Variants in LRRC9 observed in about 807,000 individuals in gnomAD.
LRRC9 encodes leucine-rich repeat-containing protein 9.
In LRRC9, 122 loss-of-function variants were observed where a neutral mutation model predicts 63.2. That is an observed-to-expected ratio of 1.93 (90% CI 1.67 to 2.24). The LOEUF (loss-of-function observed/expected upper bound fraction) is 2.24, where lower values mean the gene tolerates loss of function less well. Among genes scored for constraint, LRRC9 ranks in the 30% most tolerant of loss-of-function variants. The pLI, the probability that LRRC9 is intolerant of heterozygous loss-of-function variation, is 0.00. For missense variants in LRRC9, 1,071 were observed against 627.7 expected, an observed-to-expected ratio of 1.71 and a Z score of -7.55; for synonymous variants, 366 against 213.1, an observed-to-expected ratio of 1.72 and a Z score of -6.25.
chr14:59,991,704 G>T (rs1888126257), intron 17 of LRRC9, among the ~76,000 whole-genome samples: 1 of 152,188 alleles, frequency 6.6e-6, no homozygotes, highest in Non-Finnish European at 1.5e-5. Flanking sequence ...TACGCCCATG[G>T]AGCCTCACTC....
intron 23 of LRRC9, among the ~76,000 whole-genome samples, chr14:60,015,902 A>T (rs1326117033): frequency 6.6e-6 from 1 of 152,132 alleles, no homozygotes; most frequent in Non-Finnish European, 1.5e-5. Flanking sequence ...TGTGGGCATG[A>T]AGTTGGGGGC....
rs1171374775 is a variant in LRRC9 at position 59,922,800 on chromosome 14, T to C, written c.-34+2917T>C. Among the ~76,000 whole-genome samples, 1 of 152,186 alleles carries C rather than the reference T, an allele frequency of 6.6e-6. No individual in the cohort carries two copies. Among genetic ancestry groups the C allele is most frequent in the Non-Finnish European group, 1.5e-5 (1 of 68,032 alleles). On this transcript the variant is annotated intron_variant, in intron 1 of 31. Coordinates refer to ENST00000445360, the Ensembl canonical transcript of LRRC9. This position sits in a 1 kb window ranked among gnomAD's most constrained non-coding sequence, Gnocchi z 5.3. Reference sequence around the variant, plus strand: ...ATAGTAATGTCATGAATCTCGAGTCTCTAGTCCCACTCTCCTAGGAGAGGA... The same window carrying C: ...ATAGTAATGTCATGAATCTCGAGTCCCTAGTCCCACTCTCCTAGGAGAGGA...
intron 29 of LRRC9, among the ~76,000 whole-genome samples, chr14:60,037,037 T>C (rs557715409): frequency 2.5e-4 from 38 of 152,304 alleles, no homozygotes; most frequent in African/African-American, 7.7e-4. Flanking sequence ...GTCCTTGCGA[T>C]AGTTTGCTCA....
rs144362809 is a variant in LRRC9 at position 59,956,285 on chromosome 14, A to G, written c.883-3533A>G. On this transcript the variant is annotated intron_variant, in intron 8 of 31. Transcript: ENST00000445360. ...TGTGAGTGTCTAAGTCTCTTTGTAGATCTCTAAGATCTTATTTTATGAATC... is the reference window on the plus strand; with the variant it reads ...TGTGAGTGTCTAAGTCTCTTTGTAGGTCTCTAAGATCTTATTTTATGAATC... Among the ~76,000 whole-genome samples, 779 of 152,006 alleles carry G rather than the reference A, an allele frequency of 5.1e-3. 14 individuals are homozygous for G. Among genetic ancestry groups the G allele is most frequent in the African/African-American group, 0.018 (735 of 41,458 alleles).
At chr14:59,931,127 C>A in intron 4 of LRRC9, 69 bp downstream of exon 4, 1 of 315,804 alleles carries the variant, frequency 3.2e-6, no homozygotes, top group South Asian at 7.6e-5. Context: ...CCACAATGTT[C>A]AAGATCATAT....
rs534392584 is a variant in LRRC9, at chr14:59,924,794, C to T, written c.-33-3117C>T. On this transcript the variant is annotated intron_variant, in intron 1 of 31. Transcript: ENST00000445360. ...TTTGGCCCTGAAATACCTCTCTGAC[C>T]TCACATCCTACCATTATTTATTTCT... Among the ~76,000 whole-genome samples, 3 of 152,194 alleles carry T rather than the reference C, an allele frequency of 2.0e-5. No homozygotes were observed. In the South Asian group the frequency reaches 6.2e-4, roughly 32 times the overall value.
chr14:59,972,540 A>G (rs749778250), intron 12 of LRRC9, among the ~76,000 whole-genome samples: 1 of 152,044 alleles, frequency 6.6e-6, no homozygotes, highest in Non-Finnish European at 1.5e-5. Context: ...GAATGTAAAA[A>G]TCCTTCTAGT....
In LRRC9 at chr14:59,930,253, T is replaced by C. The variant is rs941834128; in HGVS notation, c.268-665T>C. ...ATAACATCTATTTTGAAAAGAAATA[T>C]TGCAAAACATCAAGAGCCATCACAG... On this transcript the variant is annotated intron_variant, in intron 3 of 31. Transcript: ENST00000445360. The surrounding 1 kb of genome is among the most constrained non-coding windows in gnomAD (Gnocchi z 4.9). 6.6e-6 allele frequency among the ~76,000 whole-genome samples: 1 copy of C among 152,064 alleles called. No homozygotes were observed. Among genetic ancestry groups the C allele is most frequent in the Non-Finnish European group, 1.5e-5 (1 of 67,916 alleles).
At chr14:60,029,762 T>C (rs1891845776) in intron 28 of LRRC9, among the ~76,000 whole-genome samples, 1 of 152,134 alleles carries the variant, frequency 6.6e-6, no homozygotes. Context: ...TGACAAATTA[T>C]ATATCATGAG....
rs2139820819 is a variant in LRRC9, at chr14:59,938,227, T to A, written c.544-163T>A. On this transcript the variant is annotated intron_variant, in intron 6 of 31. Transcript: ENST00000445360. The surrounding 1 kb of genome is among the most constrained non-coding windows in gnomAD (Gnocchi z 4.2). ...ATTGTTGATATTTTCTTCAGGAATT[T>A]AGCTTTTCAATAGAGAGAAACATTT... 3.9e-5 allele frequency among the ~76,000 whole-genome samples: 6 copies of A among 152,306 alleles called. 1 individual carries two copies. In the Middle Eastern group the frequency reaches 0.017, roughly 432 times the overall value.
downstream of LRRC9, among the ~76,000 whole-genome samples, chr14:60,066,583 C>A (rs1190816376): frequency 3.9e-5 from 6 of 152,098 alleles, no homozygotes; most frequent in Non-Finnish European, 5.9e-5. Context: ...ACTATGTGTT[C>A]ATTTTTCTAC....
intron 20 of LRRC9, 27 bp downstream of exon 20, chr14:60,002,127 T>C (rs1032785133): frequency 2.9e-6 from 2 of 679,268 alleles, no homozygotes; most frequent in African/African-American, 3.6e-5. Context: ...TTAAACCTAA[T>C]ATAAAGCTTA....
chr14:60,039,966 TTTG>T (rs2140369145), intron 29 of LRRC9, among the ~76,000 whole-genome samples: 1 of 151,244 alleles, frequency 6.6e-6, no homozygotes, highest in South Asian at 2.1e-4. Context: ...ATGTTGTGCC[TTTG>T]TTCTCATTGG....
At position 60,006,623 on chromosome 14, in the gene LRRC9, C is replaced by A; in HGVS notation, c.3063+6C>A. On this transcript the variant is annotated splice_donor_region_variant and intron_variant, in intron 22 of 31. Transcript: ENST00000445360. Reference sequence around the variant, plus strand: ...AGGAGATGCACAATTTAAAGGTAATCATCTGGGTAGTAATTTTTTTGTTTT... The same window carrying A: ...AGGAGATGCACAATTTAAAGGTAATAATCTGGGTAGTAATTTTTTTGTTTT... 1 of 599,182 alleles carries A rather than the reference C, an allele frequency of 1.7e-6. No individual in the cohort carries two copies. The highest frequency in any genetic ancestry group is 2.0e-5 in the South Asian group (1 of 48,996). 37.1% of individuals were successfully genotyped at this position (599,182 alleles called of 1,614,324 possible).
chr14:59,975,749 T>C lies in LRRC9; in HGVS notation c.1639+1041T>C, dbSNP rs567349017. Among the ~76,000 whole-genome samples the C allele has an allele frequency of 3.3e-4, 50 of 152,336 alleles. 2 individuals are homozygous for C. The Middle Eastern group carries it at 0.024, about 73-fold the overall frequency. On this transcript the variant is annotated intron_variant, in intron 13 of 31. Coordinates refer to ENST00000445360, the Ensembl canonical transcript of LRRC9. ...AGGAGCTATAAACATGAAGTATTAA[T>C]GCGTGGTACCAAAGAATGTATAATA...
intron 29 of LRRC9, among the ~76,000 whole-genome samples, chr14:60,034,093 T>G (rs1441064056): frequency 4.3e-5 from 6 of 140,574 alleles, no homozygotes; most frequent in Non-Finnish European, 9.0e-5. Flanking sequence ...CAATCTCAGC[T>G]CACTGCAGCC....
rs1008997421 is a variant in LRRC9, at chr14:60,060,740, C to T, written c.4277-2583C>T. 2.0e-5 allele frequency among the ~76,000 whole-genome samples: 3 copies of T among 151,834 alleles called. No individual in the cohort carries two copies. Among genetic ancestry groups the T allele is most frequent in the African/African-American group, 7.3e-5 (3 of 41,326 alleles). ...TGGGTGACAGAGCAAGACTCCATCT[C>T]AAAAAATAAAATAAAATAAAATTAG... On this transcript the variant is annotated intron_variant, in intron 31 of 31. Transcript: ENST00000445360. This position sits in a 1 kb window ranked among gnomAD's most constrained non-coding sequence, Gnocchi z 4.0.
chr14:60,023,315 C>A (rs1195284071), intron 27 of LRRC9, among the ~76,000 whole-genome samples: 1 of 151,916 alleles, frequency 6.6e-6, no homozygotes, highest in Non-Finnish European at 1.5e-5. Flanking sequence ...GTATTACTAA[C>A]TTAAGTGCAA....
chr14:60,023,606 A>AT (rs1318100883), intron 27 of LRRC9, among the ~76,000 whole-genome samples: 5 of 152,064 alleles, frequency 3.3e-5, no homozygotes, highest in Admixed American at 2.0e-4. Flanking sequence ...ATATGAGATC[A>AT]TTTTATTTAG....
Sources: allele counts gnomAD v4.1 joint callset (sites outside exome capture counted in the v4.1 genomes callset), GRCh38; gene constraint gnomAD v4.1.1; non-coding constraint Gnocchi (gnomAD v3.1); transcripts MANE v1.5; gene names NCBI Gene and HGNC (gene_info 2026-07-23, HGNC 2026-07-21).